The following GALNTL6 variants were observed in gnomAD, a reference collection of about 807,000 sequenced individuals.
GALNTL6 encodes the protein polypeptide N-acetylgalactosaminyltransferase like 6.
Under a neutral mutation model 73.7 loss-of-function variants are expected in GALNTL6, and 46 were observed. That is an observed-to-expected ratio of 0.62 (90% CI 0.49 to 0.80). GALNTL6 has a LOEUF of 0.80. GALNTL6 is among the 30% of genes least tolerant of loss of function. The pLI, the probability that GALNTL6 is intolerant of heterozygous loss-of-function variation, is 0.00. For synonymous variants in GALNTL6, 259 were observed against 263.7 expected (o/e 0.98, Z 0.17); for missense variants, 604 against 755.0 (o/e 0.80, Z 2.34).
intron 3 of GALNTL6, among the ~76,000 whole-genome samples, chr4:172,310,057 G>A (rs944066538): frequency 3.9e-5 from 6 of 152,088 alleles, no homozygotes; most frequent in East Asian, 1.9e-4. Context: ...TTATTAAACC[G>A]TTCATACAGA....
intron 5 of GALNTL6, among the ~76,000 whole-genome samples, chr4:172,384,744 T>C (rs1330576999): frequency 3.9e-5 from 6 of 152,074 alleles, no homozygotes; most frequent in Non-Finnish European, 8.8e-5. Flanking sequence ...TAAATTTCCC[T>C]TTAAAGAATG....
At chr4:172,827,238 G>A (rs569835482) in intron 7 of GALNTL6, among the ~76,000 whole-genome samples, 4 of 152,198 alleles carry the variant, frequency 2.6e-5, no homozygotes, top group South Asian at 4.2e-4. Flanking sequence ...TTGTTCAGCC[G>A]CAAATCTCAG....
chr4:172,181,271 C>T (rs772391231), intron 2 of GALNTL6, among the ~76,000 whole-genome samples: 17 of 152,088 alleles, frequency 1.1e-4, no homozygotes, highest in Non-Finnish European at 1.9e-4. Flanking sequence ...ATATCCAGCA[C>T]GATCAAGTCG....
At chr4:172,175,747 C>CCT (rs147267472) in intron 2 of GALNTL6, among the ~76,000 whole-genome samples, 9,767 of 152,020 alleles carry the variant, frequency 0.064, 507 homozygotes, top group African/African-American at 0.15. Context: ...TTGTTTTCTA[C>CCT]CTTTTATATG....
At chr4:172,893,609 C>T (rs1746166600) in intron 8 of GALNTL6, among the ~76,000 whole-genome samples, 1 of 152,152 alleles carries the variant, frequency 6.6e-6, no homozygotes, top group Non-Finnish European at 1.5e-5. Flanking sequence ...ATCTGGTGGA[C>T]AAGGGGGCAC....
At chr4:172,033,613 T>C (rs76326708) in intron 2 of GALNTL6, among the ~76,000 whole-genome samples, 4 of 152,112 alleles carry the variant, frequency 2.6e-5, no homozygotes, top group Admixed American at 2.6e-4. Context: ...CTAAGAATTA[T>C]TTTTATATTT....
chr4:172,102,033 A>G (rs1035092398), intron 2 of GALNTL6, among the ~76,000 whole-genome samples: 7 of 152,158 alleles, frequency 4.6e-5, no homozygotes, highest in African/African-American at 7.2e-5. Context: ...TAAAAGGAAT[A>G]TATCTGTTTT....
chr4:172,414,522 C>G (rs571729956), intron 5 of GALNTL6, among the ~76,000 whole-genome samples: 3 of 152,232 alleles, frequency 2.0e-5, no homozygotes, highest in African/African-American at 7.2e-5. Flanking sequence ...TTTGAATTTT[C>G]TATCGTATTT....
At chr4:172,648,929 GA>G (rs1740360371) in intron 5 of GALNTL6, among the ~76,000 whole-genome samples, 1 of 152,046 alleles carries the variant, frequency 6.6e-6, no homozygotes, top group Admixed American at 6.6e-5. Flanking sequence ...CCTTACCTCT[GA>G]AAAATCAGAT....
intron 2 of GALNTL6, among the ~76,000 whole-genome samples, chr4:172,138,923 A>G (rs916422340): frequency 2.6e-5 from 4 of 152,136 alleles, no homozygotes; most frequent in Non-Finnish European, 5.9e-5. Flanking sequence ...TTCCTCTACT[A>G]AAGTGATTGT....
intron 7 of GALNTL6, among the ~76,000 whole-genome samples, chr4:172,831,319 G>A (rs998816023): frequency 1.3e-5 from 2 of 152,102 alleles, no homozygotes; most frequent in Non-Finnish European, 2.9e-5. Context: ...GATGAGGAAA[G>A]CCTTGTCTCT....
chr4:172,375,732 T>A (rs1743004287), intron 5 of GALNTL6, among the ~76,000 whole-genome samples: 1 of 152,152 alleles, frequency 6.6e-6, no homozygotes, highest in Admixed American at 6.5e-5. Context: ...TACTGATGCA[T>A]TCTTGAAAAC....
intron 5 of GALNTL6, among the ~76,000 whole-genome samples, chr4:172,556,879 A>G (rs776102167): frequency 6.6e-6 from 1 of 152,122 alleles, no homozygotes; most frequent in Non-Finnish European, 1.5e-5. Context: ...TGTAAGCTCT[A>G]TGGAACACCC....
intron 5 of GALNTL6, among the ~76,000 whole-genome samples, chr4:172,489,293 GA>G (rs778896251): frequency 8.5e-5 from 13 of 152,078 alleles, no homozygotes; most frequent in Non-Finnish European, 1.3e-4. Flanking sequence ...CACACGCTCA[GA>G]TATATGAAAA....
chr4:172,499,235 T>C (rs1734176109), intron 5 of GALNTL6, among the ~76,000 whole-genome samples: 1 of 152,140 alleles, frequency 6.6e-6, no homozygotes, highest in Non-Finnish European at 1.5e-5. Flanking sequence ...CTGGAGGTGG[T>C]GCTTTGGGGA....
intron 7 of GALNTL6, among the ~76,000 whole-genome samples, chr4:172,831,757 T>G (rs1170719764): frequency 1.3e-5 from 2 of 152,152 alleles, no homozygotes; most frequent in Non-Finnish European, 2.9e-5. Context: ...TAGCAAGTGA[T>G]GAAGTCATGA....
rs1463137264 is a variant in GALNTL6 at position 172,487,356 on chromosome 4, TTCCTTCTTTCC to T, written c.553+138669_553+138679del. On this transcript the variant is annotated intron_variant, in intron 5 of 12. Coordinates refer to ENST00000506823, the MANE Select transcript of GALNTL6 (RefSeq NM_001034845.3). ...TTTCTTTCTTTCTTTCTTTCTTTCT[TTCCTTCTTTCC>T]TTCTTTTCTTTTCTTTTCTTTTCTT... Among the ~76,000 whole-genome samples the T allele has an allele frequency of 6.8e-4, 94 of 139,188 alleles. 1 individual carries two copies. The highest frequency in any genetic ancestry group is 1.3e-3 in the Non-Finnish European group (84 of 63,460). 91.3% of individuals were successfully genotyped at this position (139,188 alleles called of 152,430 possible).
chr4:172,801,744 T>G (rs1740657943), intron 5 of GALNTL6, among the ~76,000 whole-genome samples: 1 of 152,204 alleles, frequency 6.6e-6, no homozygotes, highest in Admixed American at 6.5e-5. Context: ...TATTATACAT[T>G]CAAAGCTATC....
chr4:171,935,646 T>C (rs1277889635), intron 2 of GALNTL6, among the ~76,000 whole-genome samples: 2 of 152,134 alleles, frequency 1.3e-5, no homozygotes, highest in Non-Finnish European at 2.9e-5. Flanking sequence ...ATTTTTTAAA[T>C]TATTTGTAGA....
Sources: gnomAD v4.1 joint callset for allele counts (sites outside exome capture counted in the v4.1 genomes callset) on GRCh38, gnomAD v4.1.1 for gene constraint, MANE v1.5 for transcripts, NCBI Gene and HGNC (gene_info 2026-07-23, HGNC 2026-07-21) for gene names.